LIMS1: variants seen among roughly 807,000 people sequenced by gnomAD.
LIMS1 encodes LIM zinc finger domain containing 1, also known as LIM and senescent cell antigen-like-containing domain protein 1.
In LIMS1, 18 loss-of-function variants were observed where a neutral mutation model predicts 44.1. The observed-to-expected ratio is 0.41, with a 90% CI of 0.28 to 0.61. The LOEUF is 0.61. LIMS1 is among the 20% of genes least tolerant of loss of function. The pLI is 0.32. For missense variants in LIMS1, 201 were observed against 422.0 expected, an observed-to-expected ratio of 0.48 and a Z score of 4.59; for synonymous variants, 93 against 149.1, an observed-to-expected ratio of 0.62 and a Z score of 2.74.
intron 1 of LIMS1, among the ~76,000 whole-genome samples, chr2:108,608,205 C>T (rs1329904158): frequency 1.3e-5 from 2 of 152,082 alleles, no homozygotes; most frequent in Admixed American, 6.5e-5. Flanking sequence ...ACTTTCATTA[C>T]ACATTTATGT....
intron 1 of LIMS1, among the ~76,000 whole-genome samples, chr2:108,628,793 T>C (rs925942674): frequency 5.3e-5 from 8 of 152,166 alleles, no homozygotes; most frequent in Non-Finnish European, 2.9e-5. Flanking sequence ...AAGAGAAATA[T>C]GACAGTAATG....
chr2:108,539,112 C>A (rs1023253946), intron 1 of LIMS1, among the ~76,000 whole-genome samples: 1 of 152,182 alleles, frequency 6.6e-6, no homozygotes, highest in Admixed American at 6.5e-5. Flanking sequence ...GAGACAAGGT[C>A]TCACTCTGTC....
At chr2:108,607,246 A>G (rs1425703100) in intron 1 of LIMS1, 9 of 1,551,046 alleles carry the variant, frequency 5.8e-6, no homozygotes, top group South Asian at 1.2e-5. Flanking sequence ...GAATCAAGAT[A>G]CATGACATGG....
chr2:108,610,221 T>G (rs1687526077), intron 1 of LIMS1, among the ~76,000 whole-genome samples: 1 of 151,450 alleles, frequency 6.6e-6, no homozygotes, highest in Admixed American at 6.6e-5. Context: ...TTCTTTTTTA[T>G]TTTCTAAAAA....
intron 1 of LIMS1, chr2:108,655,185 TG>T (rs1690774481): frequency 2.0e-6 from 3 of 1,470,832 alleles, no homozygotes; most frequent in Non-Finnish European, 2.8e-6. Context: ...ACGAGAGGGC[TG>T]TTTCCAAACT....
At position 108,654,937 on chromosome 2, in the gene LIMS1, C is replaced by A. The variant is rs572886340; in HGVS notation, c.33-4668C>A. ...TCTTAACATGAAGCAGCAGTAGTGACCCTGGCGGGCCAGGCTGACGTGCGT... is the reference window on the plus strand; with the variant it reads ...TCTTAACATGAAGCAGCAGTAGTGAACCTGGCGGGCCAGGCTGACGTGCGT... On this transcript the variant is annotated intron_variant, in intron 1 of 9. Coordinates refer to ENST00000544547, the Ensembl canonical transcript of LIMS1. 28 of 1,516,422 alleles carry A rather than the reference C, an allele frequency of 1.8e-5. 1 individual carries two copies. The African/African-American group carries it at 3.3e-4, about 18-fold the overall frequency. 93.9% of individuals were successfully genotyped at this position (1,516,422 alleles called of 1,614,324 possible). A position where few individuals can be genotyped will look rare whatever the true frequency, so the allele number is the denominator to read the frequency against.
intron 3 of LIMS1, among the ~76,000 whole-genome samples, chr2:108,672,024 G>T (rs151005146): frequency 6.6e-6 from 1 of 152,000 alleles, no homozygotes; most frequent in Non-Finnish European, 1.5e-5. Flanking sequence ...CAAAATAGCC[G>T]GGCGTGGTGG....
chr2:108,559,880 A>G lies in LIMS1; in HGVS notation c.32+25286A>G, dbSNP rs549924397. On this transcript the variant is annotated intron_variant, in intron 1 of 9. Transcript: ENST00000544547. Reference sequence around the variant, plus strand: ...TTATCTGAAAGTCACTCTGAGCACAAATATTTATACCACGGACTGTCGTAG... The same window carrying G: ...TTATCTGAAAGTCACTCTGAGCACAGATATTTATACCACGGACTGTCGTAG... Among the ~76,000 whole-genome samples, 4 of 152,216 alleles carry G rather than the reference A, an allele frequency of 2.6e-5. No individual in the cohort carries two copies. The East Asian group carries it at 7.7e-4, about 29-fold the overall frequency.
At chr2:108,634,094 T>A (rs866586635) in intron 1 of LIMS1, among the ~76,000 whole-genome samples, 1 of 152,192 alleles carries the variant, frequency 6.6e-6, no homozygotes, top group Non-Finnish European at 1.5e-5. Flanking sequence ...CCTCAAAGAC[T>A]CTTACAAGGG....
At chr2:108,567,819 A>G (rs1573341855) in intron 1 of LIMS1, among the ~76,000 whole-genome samples, 1 of 151,958 alleles carries the variant, frequency 6.6e-6, no homozygotes, top group African/African-American at 2.4e-5. Context: ...TGATCCTCCC[A>G]CCTTGGCCTC....
intron 1 of LIMS1, among the ~76,000 whole-genome samples, chr2:108,555,208 G>C (rs1243886476): frequency 6.6e-6 from 1 of 152,090 alleles, no homozygotes; most frequent in Non-Finnish European, 1.5e-5. Context: ...ATTTTTTGAG[G>C]GGGGAGGGGG....
chr2:108,568,053 G>A (rs182794263), intron 1 of LIMS1, among the ~76,000 whole-genome samples: 3 of 152,234 alleles, frequency 2.0e-5, no homozygotes, highest in African/African-American at 2.4e-5. Flanking sequence ...TGTATAACTC[G>A]TATTTATTTC....
At chr2:108,608,455 G>A (rs933775929) in intron 1 of LIMS1, among the ~76,000 whole-genome samples, 3 of 151,784 alleles carry the variant, frequency 2.0e-5, no homozygotes, top group Non-Finnish European at 2.9e-5. Flanking sequence ...ATAGGCGCCC[G>A]CCACCACACC....
intron 1 of LIMS1, among the ~76,000 whole-genome samples, chr2:108,602,101 G>T (rs1270260618): frequency 1.3e-5 from 2 of 151,908 alleles, no homozygotes; most frequent in African/African-American, 4.8e-5. Context: ...TCTTTTTCAG[G>T]TCATTCACTA....
chr2:108,629,743 TG>T (rs1215533691), intron 1 of LIMS1, among the ~76,000 whole-genome samples: 1 of 152,134 alleles, frequency 6.6e-6, no homozygotes, highest in East Asian at 1.9e-4. Context: ...GATTTCCCTG[TG>T]GATTGTGGTA....
chr2:108,580,835 A>G (rs987883067), intron 1 of LIMS1, among the ~76,000 whole-genome samples: 6 of 152,168 alleles, frequency 3.9e-5, no homozygotes, highest in African/African-American at 1.4e-4. Flanking sequence ...GCTTTCATTC[A>G]GTTATGAAGT....
At chr2:108,629,834 C>A (rs1688794795) in intron 1 of LIMS1, among the ~76,000 whole-genome samples, 1 of 152,186 alleles carries the variant, frequency 6.6e-6, no homozygotes, top group Non-Finnish European at 1.5e-5. Flanking sequence ...GATTCCTTTC[C>A]TGAGGTCCTT....
chr2:108,687,103 T>G (rs950636870), exon 10 of LIMS1: 2 of 152,156 alleles, frequency 1.3e-5, no homozygotes, highest in Non-Finnish European at 2.9e-5. Flanking sequence ...TTAAGGAAGT[T>G]TTTAGATAGG....
intron 1 of LIMS1, among the ~76,000 whole-genome samples, chr2:108,572,930 G>A (rs1685534247): frequency 6.6e-6 from 1 of 152,176 alleles, no homozygotes; most frequent in African/African-American, 2.4e-5. Context: ...CTTGTATTGT[G>A]TGTTAGCTTT....
Sources: allele counts gnomAD v4.1 joint callset (sites outside exome capture counted in the v4.1 genomes callset), GRCh38; gene constraint gnomAD v4.1.1; transcripts MANE v1.5; gene names NCBI Gene and HGNC (gene_info 2026-07-23, HGNC 2026-07-21).